UNC13C: variants seen among roughly 807,000 people sequenced by gnomAD.
UNC13C encodes the protein protein unc-13 homolog C.
Under a neutral mutation model 245.4 loss-of-function variants are expected in UNC13C, and 174 were observed. That is an observed-to-expected ratio of 0.71 (90% CI 0.63 to 0.80). The LOEUF (loss-of-function observed/expected upper bound fraction) is 0.80. Among genes scored for constraint, UNC13C ranks in the 30% least tolerant of loss-of-function variants. The pLI, the probability that UNC13C is intolerant of heterozygous loss-of-function variation, is 0.00. For synonymous variants in UNC13C, 992 were observed against 895.1 expected, an observed-to-expected ratio of 1.11 and a Z score of -1.93; for missense variants, 2,829 against 2,602.9, an observed-to-expected ratio of 1.09 and a Z score of -1.89.
chr15:53,911,686 A>G, the UNC13C span: 1 of 152,234 alleles, frequency 6.6e-6, no homozygotes, highest in South Asian at 2.1e-4. Context: ...CGGCAGCCAT[A>G]CGGACTGTTT....
At chr15:54,462,899 G>A (rs1021862484) in intron 19 of UNC13C, among the ~76,000 whole-genome samples, 2 of 152,146 alleles carry the variant, frequency 1.3e-5, no homozygotes, top group East Asian at 1.9e-4. Context: ...TCCACAAGAC[G>A]AAGCCAGCTG....
chr15:54,195,232 G>T (rs935826712), intron 4 of UNC13C, among the ~76,000 whole-genome samples: 4 of 152,104 alleles, frequency 2.6e-5, no homozygotes, highest in Non-Finnish European at 5.9e-5. Context: ...GAGGAAAAAA[G>T]CCTACACTCT....
In UNC13C at chr15:54,300,290, G is replaced by A. The variant is rs761161063; in HGVS notation, c.4185G>A (p.Lys1395=). Residue 1395 remains lysine (K), a synonymous_variant, in exon 13 of 33, where the codon AAG becomes AAA. Transcript: ENST00000260323. ...AAGTCAAAGGGGATGAAGCCTGGAA[G>A]GTTTTCTTTGATGATGCTTCCCAAG... The part of the protein sequence containing the change: ...IPEVKGDEAW[K]VFFDDASQEI... The A allele has an allele frequency of 3.1e-5, 49 of 1,592,538 alleles. No homozygotes were observed. The highest frequency in any genetic ancestry group is 4.0e-5 in the Non-Finnish European group (47 of 1,168,504).
chr15:54,376,193 A>T (rs2039603215), intron 17 of UNC13C, among the ~76,000 whole-genome samples: 1 of 152,158 alleles, frequency 6.6e-6, no homozygotes, highest in South Asian at 2.1e-4. Flanking sequence ...TACTTGTAGG[A>T]ATTCAAGGAT....
intron 4 of UNC13C, among the ~76,000 whole-genome samples, chr15:54,146,700 T>G (rs1488944001): frequency 1.3e-5 from 2 of 152,198 alleles, no homozygotes; most frequent in African/African-American, 4.8e-5. Flanking sequence ...TTATAAGATT[T>G]TGTTAACTTT....
At position 54,291,886 on chromosome 15, in the gene UNC13C, G is replaced by T. The variant is rs188664662; in HGVS notation, c.3819-2009G>T. Reference sequence around the variant, plus strand: ...TATAATGTTCCAACTTAAAATGAAGGAGAACTAAAAGTATTCTAATATGTA... The same window carrying T: ...TATAATGTTCCAACTTAAAATGAAGTAGAACTAAAAGTATTCTAATATGTA... On this transcript the variant is annotated intron_variant, in intron 10 of 32. Coordinates refer to ENST00000260323, the MANE Select transcript of UNC13C (RefSeq NM_001080534.3). Among the ~76,000 whole-genome samples, 528 of 152,008 alleles carry T rather than the reference G, an allele frequency of 3.5e-3. 3 individuals are homozygous for T. Among genetic ancestry groups the T allele is most frequent in the African/African-American group, 0.012 (504 of 41,508 alleles).
chr15:53,961,672 G>A, the UNC13C span, among the ~76,000 whole-genome samples: 1 of 152,146 alleles, frequency 6.6e-6, no homozygotes, highest in Non-Finnish European at 1.5e-5. Context: ...ATATGTCCAT[G>A]CCAGGAAAAA....
In UNC13C at chr15:54,331,892, T is replaced by C. The variant is rs75220225; in HGVS notation, c.4426-151T>C. On this transcript the variant is annotated intron_variant, in intron 14 of 32. Transcript: ENST00000260323. ...AAGAGACCTGAGTTTGAATCACTGC[T>C]ATGCCACATAGTAACTTTATGATCT... is the stretch of plus-strand genomic sequence containing the variant. 3,100 of 488,154 alleles carry C rather than the reference T, an allele frequency of 6.4e-3. 131 individuals are homozygous for C. The East Asian group carries it at 0.085, about 13-fold the overall frequency. 30.2% of individuals were successfully genotyped at this position (488,154 alleles called of 1,614,324 possible).
intron 2 of UNC13C, among the ~76,000 whole-genome samples, chr15:54,088,450 A>G (rs968378189): frequency 2.6e-5 from 4 of 152,240 alleles, no homozygotes; most frequent in African/African-American, 7.2e-5. Flanking sequence ...GTGATTATAG[A>G]TGCACTTCCA....
chr15:54,196,856 A>G (rs1409285175), intron 4 of UNC13C, among the ~76,000 whole-genome samples: 1 of 152,186 alleles, frequency 6.6e-6, no homozygotes, highest in Non-Finnish European at 1.5e-5. Context: ...AACCTAAAGG[A>G]ACAGTCATGC....
At chr15:53,953,244 G>C in the UNC13C span, among the ~76,000 whole-genome samples, 50,041 of 152,106 alleles carry the variant, frequency 0.33, 8,228 homozygotes, top group African/African-American at 0.34. Context: ...CCATTAATCT[G>C]ATGCAAAGTA....
chr15:53,925,021 A>G, the UNC13C span, among the ~76,000 whole-genome samples: 1 of 152,180 alleles, frequency 6.6e-6, no homozygotes, highest in Non-Finnish European at 1.5e-5. Context: ...CACAGCTGTT[A>G]TGGGCCAGAT....
In UNC13C at chr15:54,319,339, A is replaced by T. The variant is rs1045275946; in HGVS notation, c.4269-2600A>T. 5.9e-5 allele frequency among the ~76,000 whole-genome samples: 9 copies of T among 151,608 alleles called. No homozygotes were observed. In the East Asian group the frequency reaches 1.8e-3, roughly 30 times the overall value. ...TGATAGCATAGCTCTAAGAATTTTT[A>T]ATTTCTATTTTTAACTAATATTTTT... On this transcript the variant is annotated intron_variant, in intron 13 of 32. Transcript: ENST00000260323.
At chr15:54,544,360 G>C (rs1314564210) in intron 26 of UNC13C, among the ~76,000 whole-genome samples, 1 of 152,120 alleles carries the variant, frequency 6.6e-6, no homozygotes, top group Non-Finnish European at 1.5e-5. Flanking sequence ...GGCAAAAGCT[G>C]GAAGCATTCC....
the UNC13C span, among the ~76,000 whole-genome samples, chr15:53,927,483 G>A: frequency 6.6e-6 from 1 of 152,216 alleles, no homozygotes; most frequent in Non-Finnish European, 1.5e-5. Flanking sequence ...ACTGACTGTA[G>A]AGTGTAAGGG....
chr15:54,063,015 T>C (rs546384691), intron 2 of UNC13C, among the ~76,000 whole-genome samples: 8 of 152,316 alleles, frequency 5.3e-5, no homozygotes, highest in African/African-American at 1.4e-4. Context: ...CCGTTAGGGA[T>C]AGGCCTGGAT....
At chr15:53,990,734 A>T (rs955956787) in intron 1 of UNC13C, among the ~76,000 whole-genome samples, 2 of 151,978 alleles carry the variant, frequency 1.3e-5, no homozygotes, top group African/African-American at 4.8e-5. Context: ...GTTATGAAGC[A>T]TTTCCTCAGT....
chr15:54,168,806 C>T (rs561463923), intron 4 of UNC13C, among the ~76,000 whole-genome samples: 4 of 152,262 alleles, frequency 2.6e-5, no homozygotes, highest in African/African-American at 9.6e-5. Flanking sequence ...AATTATTACA[C>T]ATGCATATGA....
At chr15:54,245,052 C>T (rs2035956713) in intron 7 of UNC13C, among the ~76,000 whole-genome samples, 1 of 152,036 alleles carries the variant, frequency 6.6e-6, no homozygotes, top group South Asian at 2.1e-4. Context: ...TGGTTTTAGA[C>T]TCATAAGAAT....
Sources: gnomAD v4.1 joint callset for allele counts (sites outside exome capture counted in the v4.1 genomes callset) on GRCh38, gnomAD v4.1.1 for gene constraint, MANE v1.5 for transcripts, NCBI Gene and HGNC (gene_info 2026-07-23, HGNC 2026-07-21) for gene names.